SALL1: variants seen among roughly 807,000 people sequenced by gnomAD.
The protein encoded by SALL1 is sal-like protein 1.
A neutral mutation model predicts 73.1 loss-of-function variants in SALL1; 10 were observed. That is an observed-to-expected ratio of 0.14 (90% confidence interval 0.08 to 0.23). The LOEUF is 0.23. Among genes scored for constraint, SALL1 ranks in the 10% least tolerant of loss-of-function variants. The pLI is 1.00. For missense variants in SALL1, 1,520 were observed against 1,697.3 expected, an observed-to-expected ratio of 0.90 and a Z score of 1.84; for synonymous variants, 688 against 689.8, an observed-to-expected ratio of 1.00 and a Z score of 0.04.
At position 51,136,364 on chromosome 16, in the gene SALL1, T is replaced by C. The variant is rs1962298016; in HGVS notation, c.*748A>G. The C allele has an allele frequency of 6.5e-6, 1 of 152,672 alleles. No individual in the cohort carries two copies. The highest frequency in any genetic ancestry group is 1.5e-5 in the Non-Finnish European group (1 of 68,052). The allele number at this position is 152,672 out of a possible 1,614,324, so 9.5% of individuals were successfully genotyped here. Reference sequence around the variant, plus strand: ...TCGTGAATATACCTACAAGGCAAAATGTTACGTCTCAGTTTCAACTACCAA... The same window carrying C: ...TCGTGAATATACCTACAAGGCAAAACGTTACGTCTCAGTTTCAACTACCAA... On this transcript the variant is annotated 3_prime_UTR_variant, in exon 3 of 3. Transcript: ENST00000251020.
At chr16:51,144,545 C>T (rs1421256261) in intron 1 of SALL1, among the ~76,000 whole-genome samples, 2 of 152,188 alleles carry the variant, frequency 1.3e-5, no homozygotes, top group Admixed American at 6.5e-5. Flanking sequence ...CAATTGTACA[C>T]ATTACAATGT....
In SALL1 at chr16:51,151,204, T is replaced by G. The variant is rs774966655; in HGVS notation, c.38A>C (p.Gln13Pro). The change falls in exon 1 of 3, where the codon CAA (glutamine) becomes CCA (proline). Residue 13 changes from glutamine (Q) to proline (P), a missense_variant. By Grantham distance (76) the Gln-to-Pro change is moderately conservative. Coordinates refer to ENST00000251020, the MANE Select transcript of SALL1 (RefSeq NM_002968.3). Reference sequence around the variant, plus strand: ...GAGCGAGGCCACTTCGGGGTCGGATTGGAAATGTTGAGGCTTCGCTTGCTT... The same window carrying G: ...GAGCGAGGCCACTTCGGGGTCGGATGGGAAATGTTGAGGCTTCGCTTGCTT... ...RRKQAKPQHF[Q>P]SDPEVASLPR... The G allele has an allele frequency of 6.2e-7, 1 of 1,602,612 alleles. No homozygotes were observed. The highest frequency in any genetic ancestry group is 1.7e-5 in the Admixed American group (1 of 58,880).
chr16:51,138,681 A>G lies in SALL1; in HGVS notation c.3534+7T>C. On this transcript the variant is annotated splice_region_variant and intron_variant, in intron 2 of 2. Transcript: ENST00000251020. ...GGAGCAGGTATGGTGCAGAGAGAGC[A>G]AGGTACCTTAAGATTGCCTTTAGTC... 1 of 1,609,672 alleles carries G rather than the reference A, an allele frequency of 6.2e-7. No individual in the cohort carries two copies. The highest frequency in any genetic ancestry group is 8.5e-7 in the Non-Finnish European group (1 of 1,177,454).
At chr16:51,151,500 C>T (rs142329607), upstream of SALL1, 2,599 of 165,908 alleles carry the variant, frequency 0.016, 37 homozygotes, top group Non-Finnish European at 0.024. Context: ...CAAACCCGCT[C>T]GCCTTAATCA....
chr16:51,151,138 T>C (rs1340200106), intron 1 of SALL1, 28 bp downstream of exon 1: 1 of 1,557,578 alleles, frequency 6.4e-7, no homozygotes, highest in Non-Finnish European at 8.7e-7. Flanking sequence ...CGTGTGTGTG[T>C]GTCCACGGCG....
In SALL1 at chr16:51,139,480, A is replaced by G. The variant is rs1422318462; in HGVS notation, c.2742T>C (p.Ala914=). 2 of 1,614,126 alleles carry G rather than the reference A, an allele frequency of 1.2e-6. No homozygotes were observed. The highest frequency in any genetic ancestry group is 2.7e-5 in the African/African-American group (2 of 74,956). ...SVGGDMESQS[A]GSPAISESTS... Reference sequence around the variant, plus strand: ...TAGACTCTGAGATGGCTGGGCTGCCAGCACTTTGGCTTTCCATGTCACCAC... The same window carrying G: ...TAGACTCTGAGATGGCTGGGCTGCCGGCACTTTGGCTTTCCATGTCACCAC... The change falls in exon 2 of 3, where the codon GCT becomes GCC. Residue 914 remains alanine (A), a synonymous_variant. Transcript: ENST00000251020.
intron 1 of SALL1, chr16:51,150,432 A>C: frequency 1.0e-6 from 1 of 985,524 alleles, no homozygotes; most frequent in Non-Finnish European, 1.2e-6. Flanking sequence ...AGAGATGCGG[A>C]GATAAATTTT....
chr16:51,139,515 A>G lies in SALL1; in HGVS notation c.2707T>C (p.Ser903Pro). Reference protein sequence around the residue: ...IEGDVLTNDSSSVGGDMESQS... With the variant: ...IEGDVLTNDSPSVGGDMESQS... ...CTTTCCATGTCACCACCCACTGAGG[A>G]TGAATCATTGGTCAGGACATCCCCC... Residue 903 changes from serine (S) to proline (P), a missense_variant, in exon 2 of 3, where the codon TCC becomes CCC. Coordinates refer to ENST00000251020, the MANE Select transcript of SALL1 (RefSeq NM_002968.3). 2 of 1,614,204 alleles carry G rather than the reference A, an allele frequency of 1.2e-6. No individual in the cohort carries two copies. The highest frequency in any genetic ancestry group is 1.7e-6 in the Non-Finnish European group (2 of 1,180,048).
rs1455978439 is a variant in SALL1 at position 51,142,113 on chromosome 16, T to A, written c.109A>T (p.Thr37Ser). ...DTEKGQPSRP[T>S]KSKDAHVCGR... ...CAGACGTGGGCATCCTTGCTCTTAG[T>A]AGGGCGACTCGGTTGACCCTTTTCT... Residue 37 changes from threonine to serine, a missense_variant, in exon 2 of 3, where the codon ACT (threonine) becomes TCT (serine). Coordinates refer to ENST00000251020, the MANE Select transcript of SALL1 (RefSeq NM_002968.3). The A allele has an allele frequency of 4.3e-6, 7 of 1,613,544 alleles. No individual in the cohort carries two copies. Among genetic ancestry groups the A allele is most frequent in the African/African-American group, 2.7e-5 (2 of 74,976 alleles).
In SALL1 at chr16:51,140,082, C is replaced by T. The variant is rs760638036; in HGVS notation, c.2140G>A (p.Val714Ile). 15 of 1,614,112 alleles carry T rather than the reference C, an allele frequency of 9.3e-6. No homozygotes were observed. The African/African-American group carries it at 1.7e-4, about 19-fold the overall frequency. The stretch of plus-strand genomic sequence containing the variant: ...TTCAAGGCGCTCTGGCAGCTGAGAA[C>T]CCGGTGGCAGATGATGCACTCATTG... Reference protein sequence around the residue: ...DPNECIICHRVLSCQSALKMH... With the variant: ...DPNECIICHRILSCQSALKMH... The change falls in exon 2 of 3, where the codon GTT (valine) becomes ATT (isoleucine). Residue 714 changes from valine (V) to isoleucine (I), a missense_variant. By Grantham distance (29) the Val-to-Ile change is conservative. This residue lies in a region of SALL1 where 77 missense variants were observed against 117.2 expected (regional missense o/e 0.66). Coordinates refer to ENST00000251020, the MANE Select transcript of SALL1 (RefSeq NM_002968.3). This position sits in a 1 kb window ranked among gnomAD's most constrained non-coding sequence, Gnocchi z 5.7.
In SALL1 at chr16:51,139,523, T is replaced by C. The variant is rs1392607672; in HGVS notation, c.2699A>G (p.Asn900Ser). 1.1e-5 allele frequency: 18 copies of C among 1,614,102 alleles called. No homozygotes were observed. The highest frequency in any genetic ancestry group is 2.2e-5 in the South Asian group (2 of 91,086). The change falls in exon 2 of 3, where the codon AAT (asparagine) becomes AGT (serine). Residue 900 changes from asparagine to serine, a missense_variant. By Grantham distance (46) the Asn-to-Ser change is conservative (BLOSUM62 1). Transcript: ENST00000251020. ...NGSIEGDVLT[N>S]DSSSVGGDME... ...GTCACCACCCACTGAGGATGAATCA[T>C]TGGTCAGGACATCCCCCTCGATGGA...
chr16:51,137,594 G>GA, intron 2 of SALL1, 42 bp from the exon 3 acceptor site: 11 of 1,471,700 alleles, frequency 7.5e-6, no homozygotes, highest in South Asian at 1.2e-5. Flanking sequence ...GAGAGAGAGA[G>GA]AGAAAAAAAA....
At position 51,151,171 on chromosome 16, in the gene SALL1, C is replaced by A. The variant is rs1445941318; in HGVS notation, c.71G>T (p.Arg24Leu). 5 of 1,595,750 alleles carry A rather than the reference C, an allele frequency of 3.1e-6. No individual in the cohort carries two copies. The African/African-American group carries it at 6.7e-5, about 21-fold the overall frequency. Residue 24 changes from arginine to leucine, a missense_variant, in exon 1 of 3, where the codon CGA becomes CTA. Arg to Leu is a moderately radical substitution (Grantham distance 102, BLOSUM62 -2). Transcript: ENST00000251020. ...GCGCGGGCCGGAGCACTCACCATCT[C>A]GCCGGGGGAGCGAGGCCACTTCGGG... Reference protein sequence around the residue: ...SDPEVASLPRRDGDTEKGQPS... With the variant: ...SDPEVASLPRLDGDTEKGQPS...
Position 51,141,446 on chromosome 16 carries a change from G to T in SALL1, c.776C>A (p.Ser259Tyr), listed in dbSNP as rs868604623. The T allele has an allele frequency of 1.2e-6, 2 of 1,614,192 alleles. No homozygotes were observed. The highest frequency in any genetic ancestry group is 1.7e-6 in the Non-Finnish European group (2 of 1,180,052). Residue 259 changes from serine to tyrosine, a missense_variant, in exon 2 of 3, where the codon TCT (serine) becomes TAT (tyrosine). Physicochemically the swap from Ser to Tyr is moderately radical, Grantham distance 144 (BLOSUM62 -2). Coordinates refer to ENST00000251020, the MANE Select transcript of SALL1 (RefSeq NM_002968.3). The surrounding 1 kb of genome is among the most constrained non-coding windows in gnomAD (Gnocchi z 5.4). ...QIRHQILLLA[S>Y]QNADLPTSSS... ...AGATGTTGGCAAGTCTGCATTCTGA[G>T]AAGCCAACAGCAATATTTGGTGACG...
intron 1 of SALL1, among the ~76,000 whole-genome samples, chr16:51,144,635 TTC>T (rs2143459659): frequency 1.3e-5 from 2 of 152,324 alleles, no homozygotes; most frequent in South Asian, 4.1e-4. Context: ...ACATCTGATA[TTC>T]TCATAATATA....
intron 1 of SALL1, among the ~76,000 whole-genome samples, chr16:51,146,821 G>C (rs538277584): frequency 7.3e-4 from 111 of 152,100 alleles, no homozygotes; most frequent in African/African-American, 2.6e-3. Context: ...TTCTTTTTTG[G>C]GGGGAGGGGT....
chr16:51,143,413 G>C, intron 1 of SALL1: 1 of 123,818 alleles, frequency 8.1e-6, no homozygotes, highest in Non-Finnish European at 1.6e-5. Context: ...CGAAGGCTGT[G>C]AAGAAAAAAA....
chr16:51,151,604 A>G (rs866372033), upstream of SALL1, among the ~76,000 whole-genome samples: 1 of 150,448 alleles, frequency 6.6e-6, no homozygotes, highest in Non-Finnish European at 1.5e-5. Context: ...GCCGCCCGAC[A>G]CTGGGTTAAC....
At chr16:51,149,996 G>C (rs1345454319) in intron 1 of SALL1, among the ~76,000 whole-genome samples, 1 of 152,146 alleles carries the variant, frequency 6.6e-6, no homozygotes, top group Non-Finnish European at 1.5e-5. Flanking sequence ...CGAGAGGCCA[G>C]CATCGTGCCG....
Sources: gnomAD v4.1 joint callset for allele counts (sites outside exome capture counted in the v4.1 genomes callset) on GRCh38, gnomAD v4.1.1 for gene constraint, gnomAD v4.1.1 regional missense constraint, Gnocchi (gnomAD v3.1) non-coding constraint, MANE v1.5 for transcripts, NCBI Gene and HGNC (gene_info 2026-07-23, HGNC 2026-07-21) for gene names.